KLHL14: variants seen among roughly 807,000 people sequenced by gnomAD.
The protein encoded by KLHL14 is kelch-like protein 14.
Under a neutral mutation model 64.3 loss-of-function variants are expected in KLHL14, and 22 were observed. The observed-to-expected ratio is 0.34, with a 90% CI of 0.24 to 0.49. KLHL14 has a LOEUF of 0.49. KLHL14 is among the 20% of genes least tolerant of loss of function. The probability of loss-of-function intolerance (pLI) is 0.99; values close to 1 mark genes in which losing one functional copy is unlikely to be tolerated. For missense variants in KLHL14, 661 were observed against 789.0 expected, an observed-to-expected ratio of 0.84 and a Z score of 1.94; for synonymous variants, 322 against 333.4, an observed-to-expected ratio of 0.97 and a Z score of 0.37.
At chr18:32,732,132 G>C (rs1392047175) in intron 3 of KLHL14, among the ~76,000 whole-genome samples, 1 of 152,176 alleles carries the variant, frequency 6.6e-6, no homozygotes, top group African/African-American at 2.4e-5. Flanking sequence ...GCTGAGGCAG[G>C]AGAACTGCTT....
intron 4 of KLHL14, among the ~76,000 whole-genome samples, chr18:32,688,966 A>G (rs1459089837): frequency 1.3e-5 from 2 of 152,150 alleles, no homozygotes; most frequent in African/African-American, 4.8e-5. Context: ...GCCAAATAAA[A>G]TTTCCTGAGG....
At position 32,770,417 on chromosome 18, in the gene KLHL14, G is replaced by C; in HGVS notation, c.175C>G (p.Arg59Gly). The C allele has an allele frequency of 6.2e-7, 1 of 1,605,870 alleles. No homozygotes were observed. The highest frequency in any genetic ancestry group is 8.5e-7 in the Non-Finnish European group (1 of 1,175,462). ...AVLASCSQYF[R>G]SLFSSHPPLG... is the part of the protein sequence containing the mutation. ...GGGGGGTGGCTGGAGAAGAGCGATC[G>C]GAAGTACTGCGAGCAGGAGGCCAGC... Residue 59 changes from arginine (R) to glycine (G), a missense_variant, in exon 2 of 9, where the codon CGA becomes GGA. Arg to Gly is a moderately radical substitution (Grantham distance 125). Around this residue, in one of 2 missense-constraint regions of KLHL14, gnomAD observed 331 missense variants for 339.0 expected, o/e 0.98. Coordinates refer to ENST00000359358, the MANE Select transcript of KLHL14 (RefSeq NM_020805.3). The surrounding 1 kb of genome is among the most constrained non-coding windows in gnomAD (Gnocchi z 6.7).
chr18:32,724,801 A>T (rs989699574), intron 3 of KLHL14, among the ~76,000 whole-genome samples: 2 of 152,206 alleles, frequency 1.3e-5, no homozygotes, highest in Non-Finnish European at 2.9e-5. Context: ...TTATTAACTT[A>T]TGTATTTACT....
At chr18:32,765,256 T>C (rs1195509069) in intron 2 of KLHL14, among the ~76,000 whole-genome samples, 1 of 152,226 alleles carries the variant, frequency 6.6e-6, no homozygotes, top group Non-Finnish European at 1.5e-5. Context: ...TTTTACTGTT[T>C]TTTAAGTTAA....
intron 8 of KLHL14, among the ~76,000 whole-genome samples, chr18:32,676,712 C>T (rs1051004326): frequency 6.6e-6 from 1 of 151,946 alleles, no homozygotes; most frequent in African/African-American, 2.4e-5. Flanking sequence ...ATTCTAATCT[C>T]GATTTTTGTG....
intron 3 of KLHL14, chr18:32,738,365 ATAAGT>A (rs1420772991): frequency 2.6e-5 from 4 of 152,284 alleles, no homozygotes; most frequent in African/African-American, 9.6e-5. Context: ...CTGCTTTCTA[ATAAGT>A]TAAGATGAAA....
At chr18:32,769,575 C>A in intron 2 of KLHL14, 70 bp downstream of exon 2, 1 of 434,926 alleles carries the variant, frequency 2.3e-6, no homozygotes, top group Non-Finnish European at 3.8e-6. Context: ...TCCTCCCTGC[C>A]CCCTCCCCTC....
intron 3 of KLHL14, among the ~76,000 whole-genome samples, chr18:32,709,599 C>T (rs1423115240): frequency 3.3e-5 from 5 of 152,076 alleles, no homozygotes; most frequent in Non-Finnish European, 7.4e-5. Context: ...TAGGTGTGTG[C>T]CATCATATCT....
At chr18:32,766,132 C>T (rs2050342613) in intron 2 of KLHL14, among the ~76,000 whole-genome samples, 1 of 151,888 alleles carries the variant, frequency 6.6e-6, no homozygotes, top group African/African-American at 2.4e-5. Flanking sequence ...AATCTTAATT[C>T]ATTCAACTTT....
intron 3 of KLHL14, among the ~76,000 whole-genome samples, chr18:32,704,400 CCT>C (rs560204771): frequency 7.3e-4 from 111 of 152,158 alleles, no homozygotes; most frequent in African/African-American, 2.3e-3. Context: ...CACTTGAAAA[CCT>C]ACAAGGTATC....
chr18:32,771,195 T>C (rs2050382660), intron 1 of KLHL14: 1 of 174,580 alleles, frequency 5.7e-6, no homozygotes, highest in East Asian at 1.9e-4. Flanking sequence ...GCGTGCGGGG[T>C]GTGCGAATCT....
In KLHL14 at chr18:32,680,131, GTTA is replaced by G; in HGVS notation, c.1588+35_1588+37del. On this transcript the variant is annotated intron_variant, in intron 7 of 8. Coordinates refer to ENST00000359358, the MANE Select transcript of KLHL14 (RefSeq NM_020805.3). This position sits in a 1 kb window ranked among gnomAD's most constrained non-coding sequence, Gnocchi z 4.8. Reference sequence around the variant, plus strand: ...TTAGCGAGAAATATGAGGTGCAAATGTTATTGTGACTAAAAAACAAAACAACAA... The same window carrying G: ...TTAGCGAGAAATATGAGGTGCAAATGTTGTGACTAAAAAACAAAACAACAA... The G allele has an allele frequency of 6.2e-7, 1 of 1,601,568 alleles. No homozygotes were observed. The highest frequency in any genetic ancestry group is 8.5e-7 in the Non-Finnish European group (1 of 1,171,254).
intron 2 of KLHL14, among the ~76,000 whole-genome samples, chr18:32,747,966 C>A (rs1363382756): frequency 1.3e-5 from 2 of 152,202 alleles, no homozygotes; most frequent in African/African-American, 4.8e-5. Flanking sequence ...CAATTGTTAA[C>A]TGAGTTCCTA....
intron 3 of KLHL14, among the ~76,000 whole-genome samples, chr18:32,739,727 T>C (rs2050185723): frequency 6.6e-6 from 1 of 152,004 alleles, no homozygotes; most frequent in Non-Finnish European, 1.5e-5. Context: ...AGATACCCTT[T>C]TCTCTTTACT....
intron 3 of KLHL14, among the ~76,000 whole-genome samples, chr18:32,705,061 C>T (rs1254212948): frequency 6.6e-6 from 1 of 152,206 alleles, no homozygotes; most frequent in East Asian, 1.9e-4. Flanking sequence ...AAAAGGCACA[C>T]AGATTCCACA....
Position 32,770,959 on chromosome 18 carries a change from G to A in KLHL14, c.-43-325C>T. The stretch of plus-strand genomic sequence containing the variant: ...CTCAGCTCGGCTGTTGGCAGCAACA[G>A]CAGTGGCAGCAGCGACGGCAAAGTG... On this transcript the variant is annotated intron_variant, in intron 1 of 8. Coordinates refer to ENST00000359358, the MANE Select transcript of KLHL14 (RefSeq NM_020805.3). This position sits in a 1 kb window ranked among gnomAD's most constrained non-coding sequence, Gnocchi z 6.7. The A allele has an allele frequency of 4.5e-6, 2 of 443,618 alleles. No homozygotes were observed. Among genetic ancestry groups the A allele is most frequent in the Non-Finnish European group, 8.9e-6 (2 of 225,334 alleles). 27.5% of individuals were successfully genotyped at this position (443,618 alleles called of 1,614,324 possible).
intron 3 of KLHL14, among the ~76,000 whole-genome samples, chr18:32,726,626 T>C (rs947539825): frequency 6.6e-6 from 1 of 150,544 alleles, no homozygotes; most frequent in African/African-American, 2.5e-5. Flanking sequence ...TGTCTCAAGA[T>C]AAATAAATAA....
At chr18:32,684,192 A>T (rs1205351528) in intron 5 of KLHL14, among the ~76,000 whole-genome samples, 3 of 152,230 alleles carry the variant, frequency 2.0e-5, no homozygotes, top group African/African-American at 7.2e-5. Flanking sequence ...TAAATCTGAG[A>T]GCAAAACAAT....
intron 2 of KLHL14, among the ~76,000 whole-genome samples, chr18:32,755,199 G>A (rs922167080): frequency 5.3e-5 from 8 of 151,990 alleles, no homozygotes; most frequent in African/African-American, 1.9e-4. Flanking sequence ...GCTCCGTGGT[G>A]TCTAGGAAGC....
Sources: allele counts gnomAD v4.1 joint callset (sites outside exome capture counted in the v4.1 genomes callset), GRCh38; gene constraint gnomAD v4.1.1; regional missense constraint gnomAD v4.1.1; non-coding constraint Gnocchi (gnomAD v3.1); transcripts MANE v1.5; gene names NCBI Gene and HGNC (gene_info 2026-07-23, HGNC 2026-07-21).